Variants in MIA2 observed in about 807,000 individuals in gnomAD.
MIA2 encodes the protein MIA SH3 domain ER export factor 2.
Under a neutral mutation model 167.8 loss-of-function variants are expected in MIA2, and 127 were observed. That is an observed-to-expected ratio of 0.76 (90% CI 0.66 to 0.88). The LOEUF is 0.88. Among genes scored for constraint, MIA2 ranks in the 40% least tolerant of loss-of-function variants. MIA2 has a pLI of 0.00. For synonymous variants in MIA2, 552 were observed against 541.9 expected (o/e 1.02, Z -0.26); for missense variants, 1,690 against 1,624.7 (o/e 1.04, Z -0.69).
At chr14:39,352,599 T>C (rs1567042963), downstream of MIA2, among the ~76,000 whole-genome samples, 1 of 151,990 alleles carries the variant, frequency 6.6e-6, no homozygotes. Flanking sequence ...GATACCAAAA[T>C]CCATGGATGC....
At chr14:39,374,486 T>A (rs1410457825) in intron 23 of MIA2, among the ~76,000 whole-genome samples, 1 of 152,260 alleles carries the variant, frequency 6.6e-6, no homozygotes, top group Non-Finnish European at 1.5e-5. Context: ...TGATGATGGC[T>A]ATCTTTTTTT....
intron 16 of MIA2, among the ~76,000 whole-genome samples, 169 bp downstream of exon 16, chr14:39,303,693 T>C (rs1295556573): frequency 6.6e-6 from 1 of 152,128 alleles, no homozygotes; most frequent in African/African-American, 2.4e-5. Flanking sequence ...TTATTAACTT[T>C]AGAAATTTAT....
chr14:39,299,208 T>A (rs2061994070), intron 13 of MIA2, among the ~76,000 whole-genome samples: 1 of 151,810 alleles, frequency 6.6e-6, no homozygotes, highest in Admixed American at 6.6e-5. Context: ...TGATCTTTAC[T>A]TTTTGTCATG....
At chr14:39,237,148 C>T in intron 2 of MIA2, 93 bp downstream of exon 2, 2 of 1,403,358 alleles carry the variant, frequency 1.4e-6, no homozygotes, top group East Asian at 2.5e-5. Flanking sequence ...GGAAACAGGG[C>T]CTGGCTCTGT....
intron 18 of MIA2, among the ~76,000 whole-genome samples, chr14:39,310,270 T>G (rs1419645610): frequency 2.0e-5 from 3 of 152,210 alleles, no homozygotes; most frequent in Non-Finnish European, 1.5e-5. Context: ...ATTTAGTGCC[T>G]CATTTTTTAC....
At chr14:39,244,229 G>A (rs2054188799) in intron 3 of MIA2, among the ~76,000 whole-genome samples, 1 of 152,190 alleles carries the variant, frequency 6.6e-6, no homozygotes, top group Non-Finnish European at 1.5e-5. Context: ...GGAGAAAAGG[G>A]GTTCTGGTTT....
At chr14:39,319,595 C>A (rs2066057249) in intron 23 of MIA2, among the ~76,000 whole-genome samples, 1 of 151,936 alleles carries the variant, frequency 6.6e-6, no homozygotes, top group South Asian at 2.1e-4. Flanking sequence ...TACTCATTAA[C>A]AATTTTCTGT....
intron 25 of MIA2, among the ~76,000 whole-genome samples, chr14:39,329,010 G>A (rs1304090546): frequency 6.6e-6 from 1 of 152,074 alleles, no homozygotes. Flanking sequence ...AAGAAAGTCA[G>A]TGGTAGCTTG....
intron 9 of MIA2, among the ~76,000 whole-genome samples, chr14:39,287,704 A>C (rs62000664): frequency 0.035 from 5,327 of 152,138 alleles, 135 homozygotes; most frequent in Non-Finnish European, 0.049. Context: ...CTGGGACTAC[A>C]GTCATGCGCC....
At chr14:39,237,110 G>T (rs1233321154) in intron 2 of MIA2, 55 bp downstream of exon 2, 1 of 1,585,436 alleles carries the variant, frequency 6.3e-7, no homozygotes, top group East Asian at 2.3e-5. Context: ...CTTGCACAAA[G>T]ATTCCTTCCT....
intron 4 of MIA2, among the ~76,000 whole-genome samples, chr14:39,249,595 G>T (rs1378035912): frequency 6.6e-6 from 1 of 152,052 alleles, no homozygotes; most frequent in East Asian, 1.9e-4. Flanking sequence ...AATTCTGAGA[G>T]TTCAACAGTG....
chr14:39,304,238 T>C, intron 16 of MIA2, 53 bp from the exon 17 acceptor site: 1 of 771,046 alleles, frequency 1.3e-6, no homozygotes, highest in South Asian at 2.0e-5. Context: ...TTTATTTTTA[T>C]TTTTTTGTAT....
chr14:39,315,158 C>G (rs2065168585), intron 20 of MIA2: 1 of 166,824 alleles, frequency 6.0e-6, no homozygotes. Flanking sequence ...ACAAAAATAG[C>G]CGGGTATGGT....
At chr14:39,375,129 C>T (rs1456328203) in intron 23 of MIA2, among the ~76,000 whole-genome samples, 2 of 152,178 alleles carry the variant, frequency 1.3e-5, no homozygotes, top group African/African-American at 4.8e-5. Flanking sequence ...GAAGCATGTG[C>T]TCCCAATTAA....
intron 23 of MIA2, among the ~76,000 whole-genome samples, chr14:39,319,667 A>G (rs977301249): frequency 1.3e-5 from 2 of 152,092 alleles, no homozygotes; most frequent in African/African-American, 4.8e-5. Context: ...TATATTAACT[A>G]TACTTTGGAA....
rs764275768 is a variant in MIA2, at chr14:39,348,724, A to G, written c.3838-19A>G. On this transcript the variant is annotated intron_variant, in intron 27 of 28. Transcript: ENST00000640607. ...CAAATTTACTGTTTTAGTGACTGCC[A>G]TATGTCAATTTGTTGTAGAATTTAA... 14 of 1,612,698 alleles carry G rather than the reference A, an allele frequency of 8.7e-6. No individual in the cohort carries two copies. The highest frequency in any genetic ancestry group is 1.7e-5 in the Admixed American group (1 of 59,980).
chr14:39,245,698 A>AGT (rs1280013745), intron 3 of MIA2, among the ~76,000 whole-genome samples: 1 of 141,154 alleles, frequency 7.1e-6, no homozygotes, highest in Non-Finnish European at 1.5e-5. Flanking sequence ...ATGGGGAGAA[A>AGT]GCGAGAGAGA....
At chr14:39,235,300 G>A (rs994105472) in intron 1 of MIA2, among the ~76,000 whole-genome samples, 1 of 152,000 alleles carries the variant, frequency 6.6e-6, no homozygotes, top group African/African-American at 2.4e-5. Context: ...AAGATTACAG[G>A]CATAAGCCAC....
At chr14:39,268,961 T>A (rs2056568781) in intron 6 of MIA2, 1 of 954,272 alleles carries the variant, frequency 1.0e-6, no homozygotes. Flanking sequence ...ATAATCAAGA[T>A]TTAGTTTTTA....
Sources: allele counts gnomAD v4.1 joint callset (sites outside exome capture counted in the v4.1 genomes callset), GRCh38; gene constraint gnomAD v4.1.1; transcripts MANE v1.5; gene names NCBI Gene and HGNC (gene_info 2026-07-23, HGNC 2026-07-21).